The following SCHIP1 variants were observed in gnomAD, a reference collection of about 807,000 sequenced individuals.
The protein encoded by SCHIP1 is schwannomin interacting protein 1.
Under a neutral mutation model 29.7 loss-of-function variants are expected in SCHIP1, and 8 were observed. The observed-to-expected ratio is 0.27, with a 90% CI of 0.16 to 0.49. The LOEUF (loss-of-function observed/expected upper bound fraction) is 0.49. SCHIP1 is among the 20% of genes least tolerant of loss of function. The pLI is 0.99. For missense variants in SCHIP1, 193 were observed against 294.6 expected (o/e 0.66, Z 2.52); for synonymous variants, 76 against 94.9 (o/e 0.80, Z 1.16).
At chr3:159,822,221 G>C in the SCHIP1 span, among the ~76,000 whole-genome samples, 5 of 152,160 alleles carry the variant, frequency 3.3e-5, no homozygotes, top group African/African-American at 9.7e-5. Flanking sequence ...ATTTAACCAA[G>C]TGAATATGAA....
At chr3:159,305,705 C>T in the SCHIP1 span, among the ~76,000 whole-genome samples, 1 of 152,168 alleles carries the variant, frequency 6.6e-6, no homozygotes, top group Non-Finnish European at 1.5e-5. Context: ...AATATATTAT[C>T]TTATATAATC....
chr3:159,885,677 T>C (rs1716892628), intron 2 of SCHIP1, among the ~76,000 whole-genome samples: 1 of 152,228 alleles, frequency 6.6e-6, no homozygotes, highest in South Asian at 2.1e-4. Flanking sequence ...ATGATATAAA[T>C]GAGCTCCCTT....
chr3:159,556,270 A>G, the SCHIP1 span, among the ~76,000 whole-genome samples: 2 of 152,126 alleles, frequency 1.3e-5, no homozygotes, highest in Admixed American at 1.3e-4. Flanking sequence ...AGGAAACAAC[A>G]GGTGCTGGAG....
At chr3:159,351,385 T>C in the SCHIP1 span, among the ~76,000 whole-genome samples, 6 of 152,252 alleles carry the variant, frequency 3.9e-5, no homozygotes, top group East Asian at 1.9e-4. Context: ...ACTCCAGTCA[T>C]TTTCCAATAC....
At chr3:159,674,667 T>C in the SCHIP1 span, among the ~76,000 whole-genome samples, 1 of 130,160 alleles carries the variant, frequency 7.7e-6, no homozygotes, top group South Asian at 2.4e-4. Flanking sequence ...GAATTAAAAG[T>C]AGGATAAGAA....
At chr3:159,444,412 T>C in the SCHIP1 span, among the ~76,000 whole-genome samples, 6 of 151,842 alleles carry the variant, frequency 4.0e-5, no homozygotes, top group Non-Finnish European at 8.8e-5. Flanking sequence ...GCAGGCAACC[T>C]CCAGGATTGT....
chr3:159,506,329 T>A, the SCHIP1 span, among the ~76,000 whole-genome samples: 2 of 152,260 alleles, frequency 1.3e-5, no homozygotes, highest in Non-Finnish European at 2.9e-5. Flanking sequence ...TTATTTCTTG[T>A]AAATTTGTTT....
the SCHIP1 span, among the ~76,000 whole-genome samples, chr3:159,609,295 G>C: frequency 1.3e-5 from 2 of 152,132 alleles, no homozygotes; most frequent in African/African-American, 4.8e-5. Flanking sequence ...GAGTGAGCAA[G>C]CAGGTTGTAT....
At chr3:159,325,903 C>T in the SCHIP1 span, among the ~76,000 whole-genome samples, 1 of 152,050 alleles carries the variant, frequency 6.6e-6, no homozygotes, top group Non-Finnish European at 1.5e-5. Flanking sequence ...GTTTGCATTA[C>T]TGTAGTCATG....
chr3:159,616,781 C>T, the SCHIP1 span, among the ~76,000 whole-genome samples: 1 of 152,162 alleles, frequency 6.6e-6, no homozygotes, highest in Admixed American at 6.5e-5. Context: ...TCCCTTACCT[C>T]ATCATTGTCC....
At chr3:159,275,341 T>C in the SCHIP1 span, among the ~76,000 whole-genome samples, 3 of 152,188 alleles carry the variant, frequency 2.0e-5, no homozygotes, top group East Asian at 5.8e-4. Flanking sequence ...AAACTTAAAT[T>C]GTTCCCTTAT....
the SCHIP1 span, among the ~76,000 whole-genome samples, chr3:159,526,227 A>T: frequency 1.3e-5 from 2 of 152,146 alleles, no homozygotes; most frequent in Non-Finnish European, 2.9e-5. Context: ...GCCCAGGCTG[A>T]ATTGCCTGAT....
At chr3:159,341,829 A>T in the SCHIP1 span, among the ~76,000 whole-genome samples, 30 of 152,188 alleles carry the variant, frequency 2.0e-4, no homozygotes, top group Non-Finnish European at 3.8e-4. Flanking sequence ...GATTGTGGTT[A>T]TCAAATCATT....
the SCHIP1 span, among the ~76,000 whole-genome samples, chr3:159,734,570 A>T: frequency 9.2e-5 from 14 of 152,248 alleles, no homozygotes; most frequent in Non-Finnish European, 1.6e-4. Flanking sequence ...CACACAAGCC[A>T]CTTACTTTAT....
the SCHIP1 span, among the ~76,000 whole-genome samples, chr3:159,726,022 A>G: frequency 1.3e-5 from 2 of 152,220 alleles, no homozygotes; most frequent in Non-Finnish European, 2.9e-5. Flanking sequence ...GCTGAGTAAT[A>G]GTATTACTTT....
the SCHIP1 span, among the ~76,000 whole-genome samples, chr3:159,310,630 G>A: frequency 1.6e-4 from 24 of 152,218 alleles, no homozygotes; most frequent in East Asian, 3.7e-3. Context: ...TGGACAGACT[G>A]TATAAAATGA....
At chr3:159,717,174 T>C in the SCHIP1 span, among the ~76,000 whole-genome samples, 1 of 152,154 alleles carries the variant, frequency 6.6e-6, no homozygotes, top group Non-Finnish European at 1.5e-5. Flanking sequence ...AGATGTTCTT[T>C]GAAACCAATG....
the SCHIP1 span, among the ~76,000 whole-genome samples, chr3:159,541,548 A>G: frequency 6.6e-6 from 1 of 151,996 alleles, no homozygotes; most frequent in Non-Finnish European, 1.5e-5. Flanking sequence ...TGTGGCTGAT[A>G]GATTTATGGA....
chr3:159,520,111 A>C, the SCHIP1 span, among the ~76,000 whole-genome samples: 6 of 151,474 alleles, frequency 4.0e-5, no homozygotes, highest in South Asian at 2.1e-4. Context: ...AAAAAAAAAA[A>C]AAAACTCCCA....
Sources: allele counts gnomAD v4.1 joint callset (sites outside exome capture counted in the v4.1 genomes callset), GRCh38; gene constraint gnomAD v4.1.1; transcripts MANE v1.5; gene names NCBI Gene and HGNC (gene_info 2026-07-23, HGNC 2026-07-21).